The following LAMB4 variants were observed in gnomAD, a reference collection of about 807,000 sequenced individuals.
The protein encoded by LAMB4 is laminin subunit beta-4.
Under a neutral mutation model 199.2 loss-of-function variants are expected in LAMB4, and 196 were observed. The observed-to-expected ratio is 0.98, with a 90% CI of 0.88 to 1.11. The LOEUF is 1.11. Among genes scored for constraint, LAMB4 ranks in the 50% least tolerant of loss-of-function variants. LAMB4 has a pLI of 0.00. For missense variants in LAMB4, 2,080 were observed against 2,171.2 expected, an observed-to-expected ratio of 0.96 and a Z score of 0.83; for synonymous variants, 744 against 770.6, an observed-to-expected ratio of 0.97 and a Z score of 0.57.
chr7:108,049,874 G>C (rs991158812), intron 26 of LAMB4, among the ~76,000 whole-genome samples: 7 of 152,110 alleles, frequency 4.6e-5, no homozygotes, highest in Non-Finnish European at 1.0e-4. Context: ...TGTGAGAATT[G>C]AGATAATATG....
chr7:108,091,333 T>G (rs1295951538), intron 14 of LAMB4, among the ~76,000 whole-genome samples: 1 of 152,180 alleles, frequency 6.6e-6, no homozygotes, highest in Non-Finnish European at 1.5e-5. Context: ...TTTTGTCTGA[T>G]GGGTATACCT....
chr7:108,081,675 C>T (rs967932706), intron 14 of LAMB4, among the ~76,000 whole-genome samples: 2 of 152,114 alleles, frequency 1.3e-5, no homozygotes, highest in African/African-American at 4.8e-5. Flanking sequence ...TGGTGGGTGA[C>T]ATGCACTGAT....
intron 27 of LAMB4, 65 bp downstream of exon 27, chr7:108,049,261 T>C (rs1312763055): frequency 4.8e-6 from 3 of 618,908 alleles, no homozygotes; most frequent in African/African-American, 3.9e-5. Context: ...GGAAATATCA[T>C]TGAAGAGGTT....
chr7:108,049,629 T>C, intron 26 of LAMB4, 98 bp from the exon 27 acceptor site: 2 of 671,672 alleles, frequency 3.0e-6, no homozygotes, highest in South Asian at 4.2e-5. Context: ...GGCTACTGTC[T>C]TGGTCTCAAC....
In LAMB4 at chr7:108,103,171, G is replaced by A. The variant is rs1381644725; in HGVS notation, c.1053C>T (p.Ser351=). 5 of 1,604,098 alleles carry A rather than the reference G, an allele frequency of 3.1e-6. No individual in the cohort carries two copies. The South Asian group carries it at 3.4e-5, about 11-fold the overall frequency. ...CHFDMTTYLA[S]GGLSGGVCED... Reference sequence around the variant, plus strand: ...CACACACGCCCCCGCTGAGGCCACCGCTTGCCAGGTACGTAGTCATGTCAA... The same window carrying A: ...CACACACGCCCCCGCTGAGGCCACCACTTGCCAGGTACGTAGTCATGTCAA... Residue 351 remains serine, a synonymous_variant, in exon 10 of 34, where the codon AGC becomes AGT. Transcript: ENST00000388781.
chr7:108,052,368 G>A, intron 25 of LAMB4, 111 bp from the exon 26 acceptor site: 3 of 732,158 alleles, frequency 4.1e-6, no homozygotes, highest in Non-Finnish European at 6.4e-6. Flanking sequence ...GATTAGAAGG[G>A]ATTCCTTCTA....
intron 2 of LAMB4, among the ~76,000 whole-genome samples, chr7:108,121,785 T>A (rs2038609594): frequency 6.6e-6 from 1 of 151,392 alleles, no homozygotes; most frequent in African/African-American, 2.4e-5. Flanking sequence ...GTAGATAAGG[T>A]TTGCACTTTT....
chr7:108,095,411 C>T, intron 11 of LAMB4, 74 bp from the exon 12 acceptor site: 1 of 1,105,204 alleles, frequency 9.0e-7, no homozygotes, highest in Non-Finnish European at 1.4e-6. Context: ...ATAGCTCACA[C>T]AAAGCAAGAA....
intron 2 of LAMB4, among the ~76,000 whole-genome samples, chr7:108,117,628 G>A (rs116830160): frequency 0.011 from 1,663 of 152,250 alleles, 33 homozygotes; most frequent in African/African-American, 0.038. Flanking sequence ...AATTCAGGGC[G>A]AGTCCATACG....
intron 28 of LAMB4, among the ~76,000 whole-genome samples, chr7:108,046,055 G>A (rs1224021613): frequency 6.6e-6 from 1 of 151,640 alleles, no homozygotes; most frequent in Non-Finnish European, 1.5e-5. Flanking sequence ...TCTTGTTCAG[G>A]AGTGGGTCTT....
downstream of LAMB4, among the ~76,000 whole-genome samples, chr7:108,022,524 A>G (rs927765523): frequency 1.3e-5 from 2 of 152,246 alleles, no homozygotes; most frequent in African/African-American, 4.8e-5. Context: ...ACAGCAAGTA[A>G]TAGAAGTTAG....
chr7:108,071,223 C>T (rs1427301410), intron 17 of LAMB4, among the ~76,000 whole-genome samples: 16 of 152,118 alleles, frequency 1.1e-4, no homozygotes, highest in Non-Finnish European at 2.4e-4. Flanking sequence ...AGGCAAATTT[C>T]TTAAAAAAAT....
At chr7:108,114,645 A>G (rs756440580) in intron 3 of LAMB4, among the ~76,000 whole-genome samples, 2 of 152,200 alleles carry the variant, frequency 1.3e-5, no homozygotes, top group Non-Finnish European at 2.9e-5. Context: ...TTTACTAGAA[A>G]CCAATTTGAA....
At position 108,043,752 on chromosome 7, in the gene LAMB4, C is replaced by T. The variant is rs1346352051; in HGVS notation, c.4471G>A (p.Glu1491Lys). The change falls in exon 29 of 34, where the codon GAG becomes AAG. Residue 1491 changes from glutamate (E) to lysine (K), a missense_variant and splice_region_variant. By Grantham distance (56) the Glu-to-Lys change is moderately conservative. Transcript: ENST00000388781. Reference sequence around the variant, plus strand: ...GTCCTAATATATATTTTTAAATTACCTAACAAAAAGTTTTTCACTTTTTTG... The same window carrying T: ...GTCCTAATATATATTTTTAAATTACTTAACAAAAAGTTTTTCACTTTTTTG... Reference protein sequence around the residue: ...FIKKVKNFLLEENVPPEDIEK... With the variant: ...FIKKVKNFLLKENVPPEDIEK... 6.4e-7 allele frequency: 1 copy of T among 1,556,430 alleles called. No homozygotes were observed. The highest frequency in any genetic ancestry group is 1.8e-5 in the Admixed American group (1 of 54,656).
At chr7:108,029,812 C>T (rs915988991) in intron 32 of LAMB4, among the ~76,000 whole-genome samples, 18 of 151,860 alleles carry the variant, frequency 1.2e-4, no homozygotes, top group African/African-American at 3.4e-4. Flanking sequence ...GAAGTGGGAA[C>T]GGGGCGAGTA....
In LAMB4 at chr7:108,105,843, C is replaced by T. The variant is rs762954182; in HGVS notation, c.844G>A (p.Gly282Arg). Residue 282 changes from glycine to arginine, a missense_variant, in exon 8 of 34, where the codon GGA becomes AGA. Physicochemically the swap from Gly to Arg is moderately radical, Grantham distance 125 (BLOSUM62 -2). Coordinates refer to ENST00000388781, the MANE Select transcript of LAMB4 (RefSeq NM_007356.3). ...ATTCCAGGAGGGCTGAAAACATCTC[C>T]CCGCATCTTCTGCATAGGGCGACAT... is the stretch of plus-strand genomic sequence containing the variant. ...SECRPMQKMR[G>R]DVFSPPGMVH... 2 of 1,614,114 alleles carry T rather than the reference C, an allele frequency of 1.2e-6. No individual in the cohort carries two copies. The highest frequency in any genetic ancestry group is 1.7e-5 in the Admixed American group (1 of 60,010).
In LAMB4 at chr7:108,104,574, A is replaced by C. The variant is rs750392637; in HGVS notation, c.916T>G (p.Cys306Gly). The change falls in exon 9 of 34, where the codon TGT (cysteine) becomes GGT (glycine). Residue 306 changes from cysteine (C) to glycine (G), a missense_variant. Transcript: ENST00000388781. ...TGGAAGAAGTCCTTGCATCTCTCAC[A>C]GTTCGGACCATCTGTATTGTGCTGA... The part of the protein sequence containing the change: ...VCQHNTDGPN[C>G]ERCKDFFQDA... 1.2e-6 allele frequency: 2 copies of C among 1,614,220 alleles called. No individual in the cohort carries two copies. Among genetic ancestry groups the C allele is most frequent in the South Asian group, 2.2e-5 (2 of 91,088 alleles).
Position 108,123,212 on chromosome 7 carries a change from G to C in LAMB4, c.-33-15C>G, listed in dbSNP as rs2038660634. 6.6e-7 allele frequency: 1 copy of C among 1,503,998 alleles called. No individual in the cohort carries two copies. Among genetic ancestry groups the C allele is most frequent in the Non-Finnish European group, 9.1e-7 (1 of 1,093,848 alleles). The allele number at this position is 1,503,998 out of a possible 1,614,324, so 93.2% of individuals were successfully genotyped here. A position where few individuals can be genotyped will look rare whatever the true frequency, so the allele number is the denominator to read the frequency against. On this transcript the variant is annotated splice_polypyrimidine_tract_variant and intron_variant, in intron 1 of 33. Coordinates refer to ENST00000388781, the MANE Select transcript of LAMB4 (RefSeq NM_007356.3). ...ATTCAATTCTACTGGGTTAAAAAAA[G>C]GTTAAAGTCAATCACTGATAGAAGA...
rs939910158 is a variant in LAMB4 at position 108,069,710 on chromosome 7, A to C, written c.2300T>G (p.Val767Gly). ...SMSAKLHDGA[V>G]ACKCHPQGSV... Reference sequence around the variant, plus strand: ...GAGCCCATTAAACAGATACTTACCCACAGCCCCATCATGCAGCTTGGCAGA... The same window carrying C: ...GAGCCCATTAAACAGATACTTACCCCCAGCCCCATCATGCAGCTTGGCAGA... The change falls in exon 18 of 34, where the codon GTG (valine) becomes GGG (glycine). Residue 767 changes from valine (V) to glycine (G), a missense_variant and splice_region_variant. Physicochemically the swap from Val to Gly is moderately radical, Grantham distance 109 (BLOSUM62 -3). Coordinates refer to ENST00000388781, the MANE Select transcript of LAMB4 (RefSeq NM_007356.3). The C allele has an allele frequency of 1.2e-6, 2 of 1,613,212 alleles. No individual in the cohort carries two copies. The highest frequency in any genetic ancestry group is 2.7e-5 in the African/African-American group (2 of 74,912).
Sources: allele counts gnomAD v4.1 joint callset (sites outside exome capture counted in the v4.1 genomes callset), GRCh38; gene constraint gnomAD v4.1.1; transcripts MANE v1.5; gene names NCBI Gene and HGNC (gene_info 2026-07-23, HGNC 2026-07-21).